Variants in MGAT4C observed in about 807,000 individuals in gnomAD.
The protein encoded by MGAT4C is alpha-1,3-mannosyl-glycoprotein 4-beta-N-acetylglucosaminyltransferase C.
A neutral mutation model predicts 40.1 loss-of-function variants in MGAT4C; 19 were observed. That is an observed-to-expected ratio of 0.47 (90% CI 0.33 to 0.70). The LOEUF (loss-of-function observed/expected upper bound fraction) is 0.70, where lower values mean the gene tolerates loss of function less well. Among genes scored for constraint, MGAT4C ranks in the 30% least tolerant of loss-of-function variants. The probability of loss-of-function intolerance (pLI) is 0.02; values close to 1 mark genes in which losing one functional copy is unlikely to be tolerated. For missense variants in MGAT4C, 491 were observed against 563.2 expected (o/e 0.87, Z 1.30); for synonymous variants, 181 against 187.1 (o/e 0.97, Z 0.27).
chr12:86,500,009 C>T (rs908096137), intron 2 of MGAT4C, among the ~76,000 whole-genome samples: 2 of 151,614 alleles, frequency 1.3e-5, no homozygotes, highest in African/African-American at 4.8e-5. Flanking sequence ...GCAGCATATG[C>T]ATTCTTTCAA....
At chr12:86,398,438 C>T (rs773387355) in intron 3 of MGAT4C, among the ~76,000 whole-genome samples, 9 of 152,176 alleles carry the variant, frequency 5.9e-5, no homozygotes, top group Non-Finnish European at 1.0e-4. Flanking sequence ...TCTAAGGTAA[C>T]ATTTACAAAT....
intron 4 of MGAT4C, among the ~76,000 whole-genome samples, chr12:86,328,843 C>T (rs1264687036): frequency 2.6e-5 from 4 of 151,974 alleles, no homozygotes; most frequent in African/African-American, 9.7e-5. Context: ...TGGTGGCTCA[C>T]ACCTGTAATC....
rs1284433584 is a variant in MGAT4C, at chr12:85,974,399, T to C, written c.*4890A>G. On this transcript the variant is annotated 3_prime_UTR_variant, in exon 5 of 5. Transcript: ENST00000611864. Reference sequence around the variant, plus strand: ...CAAATGGTGCATATCCTTCTGTCTTTCTCTCATACACACAGACACACTTAC... The same window carrying C: ...CAAATGGTGCATATCCTTCTGTCTTCCTCTCATACACACAGACACACTTAC... The C allele has an allele frequency of 6.6e-6, 1 of 150,602 alleles. No individual in the cohort carries two copies. Among genetic ancestry groups the C allele is most frequent in the Non-Finnish European group, 1.5e-5 (1 of 66,946 alleles). 9.3% of individuals were successfully genotyped at this position (150,602 alleles called of 1,614,324 possible). A position where few individuals can be genotyped will look rare whatever the true frequency, so the allele number is the denominator to read the frequency against.
chr12:85,984,275 T>G (rs1013748687), intron 3 of MGAT4C, among the ~76,000 whole-genome samples: 3 of 152,160 alleles, frequency 2.0e-5, no homozygotes, highest in Admixed American at 2.0e-4. Flanking sequence ...TGGCAGTAAT[T>G]TTTTTCATAT....
intron 2 of MGAT4C, among the ~76,000 whole-genome samples, chr12:86,044,885 C>A (rs1408034970): frequency 6.6e-6 from 1 of 152,122 alleles, no homozygotes; most frequent in Admixed American, 6.5e-5. Context: ...ACAGCTTTCC[C>A]TGCTAGCTCA....
At chr12:86,519,056 T>C (rs573707405) in intron 2 of MGAT4C, among the ~76,000 whole-genome samples, 15 of 152,092 alleles carry the variant, frequency 9.9e-5, no homozygotes, top group South Asian at 2.1e-4. Flanking sequence ...AAGGCGGAGA[T>C]TGTCTGAAAA....
intron 2 of MGAT4C, among the ~76,000 whole-genome samples, chr12:86,441,060 A>C (rs1218719738): frequency 6.6e-6 from 1 of 152,164 alleles, no homozygotes; most frequent in Non-Finnish European, 1.5e-5. Context: ...CTACAGATTC[A>C]ATACAATTTA....
chr12:86,585,214 A>T (rs149868382), intron 2 of MGAT4C, among the ~76,000 whole-genome samples: 1 of 151,412 alleles, frequency 6.6e-6, no homozygotes, highest in Non-Finnish European at 1.5e-5. Flanking sequence ...TTTCTTTCCA[A>T]GTAATAGCTG....
chr12:86,190,437 G>GA (rs1159114058), intron 1 of MGAT4C, among the ~76,000 whole-genome samples: 5 of 152,032 alleles, frequency 3.3e-5, no homozygotes, highest in African/African-American at 1.2e-4. Context: ...AACCATTAAT[G>GA]AACAAATTTT....
chr12:86,672,528 T>C (rs1042469284), intron 2 of MGAT4C, among the ~76,000 whole-genome samples: 1 of 151,794 alleles, frequency 6.6e-6, no homozygotes, highest in Non-Finnish European at 1.5e-5. Context: ...GACAAACCTT[T>C]ACCCATTCAA....
intron 2 of MGAT4C, among the ~76,000 whole-genome samples, chr12:86,492,666 A>T (rs557647826): frequency 3.5e-4 from 53 of 152,320 alleles, no homozygotes; most frequent in African/African-American, 1.1e-3. Flanking sequence ...TTAAAGACTT[A>T]AACGTTAGAC....
chr12:86,217,878 T>C (rs1370205317), intron 1 of MGAT4C, among the ~76,000 whole-genome samples: 12 of 152,080 alleles, frequency 7.9e-5, no homozygotes, highest in Admixed American at 5.9e-4. Context: ...TGAAGTGATA[T>C]AAGAAGGTTG....
chr12:86,508,033 C>T (rs979142252), intron 2 of MGAT4C, among the ~76,000 whole-genome samples: 1 of 151,630 alleles, frequency 6.6e-6, no homozygotes, highest in Non-Finnish European at 1.5e-5. Flanking sequence ...AATGTCTTTC[C>T]ATTTATGTGT....
chr12:86,707,665 G>A (rs1032508329), intron 2 of MGAT4C, among the ~76,000 whole-genome samples: 1 of 151,856 alleles, frequency 6.6e-6, no homozygotes, highest in Non-Finnish European at 1.5e-5. Context: ...CAAGTAGCTG[G>A]GGTTACAGGC....
chr12:86,633,435 T>C (rs1156495394), intron 2 of MGAT4C, among the ~76,000 whole-genome samples: 1 of 152,058 alleles, frequency 6.6e-6, no homozygotes, highest in East Asian at 1.9e-4. Flanking sequence ...CCCAACATCT[T>C]CTATATCTCA....
intron 4 of MGAT4C, among the ~76,000 whole-genome samples, chr12:86,276,907 T>A (rs367812618): frequency 6.6e-6 from 1 of 152,192 alleles, no homozygotes; most frequent in Non-Finnish European, 1.5e-5. Context: ...GGAGTGTACA[T>A]CTCTTAAATA....
intron 2 of MGAT4C, among the ~76,000 whole-genome samples, chr12:86,506,333 C>A (rs1958472394): frequency 1.3e-5 from 2 of 152,084 alleles, no homozygotes; most frequent in Admixed American, 6.6e-5. Flanking sequence ...TTTGCCTTGT[C>A]TGTAAATAAA....
intron 2 of MGAT4C, among the ~76,000 whole-genome samples, chr12:86,501,697 G>A (rs1342152754): frequency 2.0e-5 from 3 of 152,032 alleles, no homozygotes; most frequent in African/African-American, 7.2e-5. Flanking sequence ...TGGCTGCATA[G>A]TATTCCATGG....
chr12:86,547,667 T>C (rs1196608401), intron 2 of MGAT4C, among the ~76,000 whole-genome samples: 1 of 152,056 alleles, frequency 6.6e-6, no homozygotes. Context: ...AGAAAACTAA[T>C]TTAGAGTAGA....
Sources: gnomAD v4.1 joint callset for allele counts (sites outside exome capture counted in the v4.1 genomes callset) on GRCh38, gnomAD v4.1.1 for gene constraint, MANE v1.5 for transcripts, NCBI Gene and HGNC (gene_info 2026-07-23, HGNC 2026-07-21) for gene names.